Variants in FHIT observed in about 807,000 individuals in gnomAD.
FHIT encodes fragile histidine triad diadenosine triphosphatase, also known as bis(5'-adenosyl)-triphosphatase.
Under a neutral mutation model 17.9 loss-of-function variants are expected in FHIT, and 19 were observed. The observed-to-expected ratio is 1.06, with a 90% CI of 0.74 to 1.56. The LOEUF (loss-of-function observed/expected upper bound fraction) is 1.56, where lower values mean the gene tolerates loss of function less well. Ranked by LOEUF, FHIT falls within the 40% of genes most tolerant of loss-of-function variation. The pLI is 0.00. For missense variants in FHIT, 248 were observed against 189.2 expected (o/e 1.31, Z -1.82); for synonymous variants, 81 against 69.7 (o/e 1.16, Z -0.81).
At chr3:61,187,053 C>T (rs1433482538) in intron 2 of FHIT, among the ~76,000 whole-genome samples, 2 of 152,164 alleles carry the variant, frequency 1.3e-5, no homozygotes, top group Non-Finnish European at 2.9e-5. Context: ...TCTGCCCGAC[C>T]CATGTTCCTT....
chr3:60,671,807 G>A (rs551791458), intron 4 of FHIT, among the ~76,000 whole-genome samples: 12 of 150,358 alleles, frequency 8.0e-5, no homozygotes, highest in Admixed American at 2.0e-4. Flanking sequence ...AAAATTAGCC[G>A]GGTGTAGTGG....
chr3:60,693,886 T>C (rs2041051592), intron 4 of FHIT, among the ~76,000 whole-genome samples: 1 of 152,230 alleles, frequency 6.6e-6, no homozygotes, highest in Admixed American at 6.5e-5. Flanking sequence ...GCTCTTTAGC[T>C]ACACCAGCAC....
intron 1 of FHIT, among the ~76,000 whole-genome samples, chr3:61,238,497 T>C (rs530283835): frequency 6.6e-6 from 1 of 152,160 alleles, no homozygotes; most frequent in Non-Finnish European, 1.5e-5. Flanking sequence ...AAGAGAAGCA[T>C]TGATTTAAAA....
chr3:60,740,751 T>G (rs1198121465), intron 4 of FHIT, among the ~76,000 whole-genome samples: 1 of 152,142 alleles, frequency 6.6e-6, no homozygotes, highest in Non-Finnish European at 1.5e-5. Context: ...TCTAAGGAAA[T>G]GAGGACAAAG....
intron 4 of FHIT, among the ~76,000 whole-genome samples, chr3:60,610,039 G>A (rs1214472002): frequency 3.3e-5 from 5 of 152,158 alleles, no homozygotes; most frequent in Admixed American, 2.6e-4. Context: ...CAGCTAGAAT[G>A]CAGCTGTAGC....
chr3:59,822,463 C>T (rs758290083), intron 8 of FHIT, among the ~76,000 whole-genome samples: 1 of 152,016 alleles, frequency 6.6e-6, no homozygotes, highest in African/African-American at 2.4e-5. Flanking sequence ...ACATCTATTA[C>T]TTTCTGATTT....
At chr3:59,882,133 C>CA (rs143699633) in intron 8 of FHIT, among the ~76,000 whole-genome samples, 5,078 of 152,148 alleles carry the variant, frequency 0.033, 265 homozygotes, top group African/African-American at 0.12. Context: ...CAGACATGCT[C>CA]AAAATAGGAG....
At chr3:60,242,504 G>C (rs928074715) in intron 5 of FHIT, among the ~76,000 whole-genome samples, 6 of 152,054 alleles carry the variant, frequency 3.9e-5, no homozygotes, top group Non-Finnish European at 7.4e-5. Context: ...ATCTTCATGA[G>C]ATAAATTATA....
At chr3:59,946,261 ATT>A (rs1396498574) in intron 7 of FHIT, among the ~76,000 whole-genome samples, 3 of 152,038 alleles carry the variant, frequency 2.0e-5, no homozygotes, top group African/African-American at 7.2e-5. Flanking sequence ...TGTATTAGGT[ATT>A]TTTTTGTGTG....
intron 8 of FHIT, among the ~76,000 whole-genome samples, chr3:59,777,637 G>T (rs540035627): frequency 6.6e-6 from 1 of 152,092 alleles, no homozygotes; most frequent in African/African-American, 2.4e-5. Flanking sequence ...CTTTAATCCA[G>T]CCAGGGAGTG....
intron 5 of FHIT, among the ~76,000 whole-genome samples, chr3:60,225,277 T>C (rs772752405): frequency 5.3e-5 from 8 of 152,188 alleles, no homozygotes; most frequent in Non-Finnish European, 1.2e-4. Context: ...GTTAACTACA[T>C]GCTGACCAAC....
At chr3:61,175,202 C>A (rs61440939) in intron 2 of FHIT, among the ~76,000 whole-genome samples, 12,906 of 149,710 alleles carry the variant, frequency 0.086, 1,205 homozygotes, top group East Asian at 0.42. Context: ...TAACAAAAAA[C>A]AACAAAAATA....
At chr3:59,915,458 GC>G (rs1296404634) in intron 8 of FHIT, among the ~76,000 whole-genome samples, 14 of 152,186 alleles carry the variant, frequency 9.2e-5, no homozygotes, top group African/African-American at 3.4e-4. Context: ...CTAGGAAAAA[GC>G]CATGGCATCC....
rs531373621 is a variant in FHIT at position 60,150,237 on chromosome 3, T to C, written c.104-136085A>G. Among the ~76,000 whole-genome samples, 5 of 152,152 alleles carry C rather than the reference T, an allele frequency of 3.3e-5. No homozygotes were observed. The East Asian group carries it at 9.7e-4, about 30-fold the overall frequency. Reference sequence around the variant, plus strand: ...GTCTCGAGCTCCTGACCTCAGGTGGTCCACCCACCTTGGCCTCCCAAAGTG... The same window carrying C: ...GTCTCGAGCTCCTGACCTCAGGTGGCCCACCCACCTTGGCCTCCCAAAGTG... On this transcript the variant is annotated intron_variant, in intron 5 of 9. Transcript: ENST00000492590.
chr3:60,406,183 CAT>C (rs1298455761), intron 5 of FHIT, among the ~76,000 whole-genome samples: 3 of 152,186 alleles, frequency 2.0e-5, no homozygotes, highest in African/African-American at 7.2e-5. Context: ...TAAATGTTGA[CAT>C]ATGCTTGCTT....
At chr3:60,121,741 CACACAT>C (rs1705267052) in intron 5 of FHIT, among the ~76,000 whole-genome samples, 1 of 151,032 alleles carries the variant, frequency 6.6e-6, no homozygotes, top group East Asian at 1.9e-4. Flanking sequence ...CACACACACA[CACACAT>C]TAGCCCTGTG....
At chr3:60,909,565 C>A (rs781820023) in intron 3 of FHIT, among the ~76,000 whole-genome samples, 3 of 152,042 alleles carry the variant, frequency 2.0e-5, no homozygotes, top group Non-Finnish European at 2.9e-5. Context: ...CCACATCATT[C>A]TATTTTATTT....
At chr3:60,282,329 C>A (rs1466829628) in intron 5 of FHIT, among the ~76,000 whole-genome samples, 1 of 152,084 alleles carries the variant, frequency 6.6e-6, no homozygotes, top group Non-Finnish European at 1.5e-5. Context: ...TAAAAGAACT[C>A]TTATGCCATA....
chr3:61,189,059 C>T (rs996824398), intron 2 of FHIT, among the ~76,000 whole-genome samples: 8 of 152,032 alleles, frequency 5.3e-5, no homozygotes, highest in Non-Finnish European at 1.0e-4. Flanking sequence ...TCCTATTCAA[C>T]ACAGTGTTGG....
Sources: gnomAD v4.1 joint callset for allele counts (sites outside exome capture counted in the v4.1 genomes callset) on GRCh38, gnomAD v4.1.1 for gene constraint, MANE v1.5 for transcripts, NCBI Gene and HGNC (gene_info 2026-07-23, HGNC 2026-07-21) for gene names.